ERICH3: variants seen among roughly 807,000 people sequenced by gnomAD.
The protein encoded by ERICH3 is glutamate rich 3.
A neutral mutation model predicts 131.1 loss-of-function variants in ERICH3; 126 were observed. The ratio of observed to expected loss-of-function variants is 0.96; its 90% CI spans 0.83 to 1.11. ERICH3 has a LOEUF of 1.11. Among genes scored for constraint, ERICH3 ranks in the 50% most tolerant of loss-of-function variants. The pLI is 0.00. For missense variants in ERICH3, 2,050 were observed against 1,810.7 expected, an observed-to-expected ratio of 1.13 and a Z score of -2.40; for synonymous variants, 695 against 644.6, an observed-to-expected ratio of 1.08 and a Z score of -1.18.
chr1:74,666,416 A>T (rs1646693424), intron 1 of ERICH3, among the ~76,000 whole-genome samples: 1 of 152,176 alleles, frequency 6.6e-6, no homozygotes, highest in South Asian at 2.1e-4. Context: ...ATTGTCAAAA[A>T]AATTTTTAAT....
At chr1:74,665,159 C>T (rs1385405988) in intron 1 of ERICH3, among the ~76,000 whole-genome samples, 2 of 151,894 alleles carry the variant, frequency 1.3e-5, no homozygotes, top group East Asian at 1.9e-4. Flanking sequence ...CATGTGAGGG[C>T]CCAGCAAGAA....
intron 11 of ERICH3, among the ~76,000 whole-genome samples, chr1:74,596,281 T>C (rs921403209): frequency 6.6e-6 from 1 of 152,062 alleles, no homozygotes; most frequent in African/African-American, 2.4e-5. Context: ...TCAATCTCAA[T>C]CTGTCTAATC....
chr1:74,611,422 G>C (rs1199865259), intron 9 of ERICH3, among the ~76,000 whole-genome samples: 7 of 151,896 alleles, frequency 4.6e-5, no homozygotes, highest in Non-Finnish European at 1.0e-4. Flanking sequence ...CTCTTCTCTG[G>C]ATTAAAGCAG....
chr1:74,621,341 A>C (rs1422920052), intron 7 of ERICH3: 3 of 152,966 alleles, frequency 2.0e-5, no homozygotes, highest in African/African-American at 7.2e-5. Flanking sequence ...TTTCAGTTTG[A>C]ACTGACTTAG....
At chr1:74,594,461 G>A (rs1169931161) in intron 11 of ERICH3, among the ~76,000 whole-genome samples, 1 of 152,046 alleles carries the variant, frequency 6.6e-6, no homozygotes, top group African/African-American at 2.4e-5. Flanking sequence ...CTGAGGTTCT[G>A]AGTTGTCCTC....
At chr1:74,597,257 C>T (rs1647897437) in intron 11 of ERICH3, among the ~76,000 whole-genome samples, 1 of 151,846 alleles carries the variant, frequency 6.6e-6, no homozygotes, top group African/African-American at 2.4e-5. Flanking sequence ...CCTTGAATAA[C>T]ACAAAGGCAA....
At chr1:74,602,104 A>G (rs553296977) in intron 10 of ERICH3, among the ~76,000 whole-genome samples, 1 of 151,922 alleles carries the variant, frequency 6.6e-6, no homozygotes, top group Non-Finnish European at 1.5e-5. Flanking sequence ...TCAGAGCAGT[A>G]CAAGTGTCCA....
chr1:74,604,914 C>T (rs1476558082), intron 10 of ERICH3, among the ~76,000 whole-genome samples: 1 of 151,966 alleles, frequency 6.6e-6, no homozygotes, highest in African/African-American at 2.4e-5. Flanking sequence ...AAAGAAGAGT[C>T]AGCCTATCCT....
chr1:74,665,653 T>C (rs1307971563), intron 1 of ERICH3, among the ~76,000 whole-genome samples: 1 of 152,210 alleles, frequency 6.6e-6, no homozygotes, highest in Non-Finnish European at 1.5e-5. Context: ...GTTTCAGGTC[T>C]CTCTTTTTGG....
In ERICH3 at chr1:74,662,419, G is replaced by T. The variant is rs137883822; in HGVS notation, c.23+11078C>A. Among the ~76,000 whole-genome samples the T allele has an allele frequency of 4.2e-4, 64 of 152,124 alleles. No individual in the cohort carries two copies. In the East Asian group the frequency reaches 0.012, roughly 28 times the overall value. ...ATGAGTTGTGGTGAAATATTCATTT[G>T]TTGCAGTTGCAGAGAGATTCCCAAC... On this transcript the variant is annotated intron_variant, in intron 1 of 14. Transcript: ENST00000326665.
intron 3 of ERICH3, 125 bp from the exon 4 acceptor site, chr1:74,643,223 G>T: frequency 1.6e-6 from 1 of 644,096 alleles, no homozygotes. Context: ...AGATGGAGAA[G>T]AATCATCTGC....
intron 1 of ERICH3, among the ~76,000 whole-genome samples, chr1:74,664,969 C>T (rs981324422): frequency 6.6e-6 from 1 of 152,128 alleles, no homozygotes; most frequent in East Asian, 1.9e-4. Flanking sequence ...TCTCCATTCT[C>T]CATGTTATAG....
At chr1:74,662,725 G>T (rs1030517265) in intron 1 of ERICH3, among the ~76,000 whole-genome samples, 5 of 152,088 alleles carry the variant, frequency 3.3e-5, no homozygotes, top group African/African-American at 1.2e-4. Flanking sequence ...TAGCATGCTT[G>T]CCTGCTTCTA....
At chr1:74,642,157 AC>A (rs1246321408) in intron 4 of ERICH3, among the ~76,000 whole-genome samples, 33 of 152,270 alleles carry the variant, frequency 2.2e-4, no homozygotes, top group African/African-American at 7.7e-4. Flanking sequence ...ATCTCTACAC[AC>A]CAACTCTTTG....
At chr1:74,600,426 T>C (rs1229998065) in intron 10 of ERICH3, among the ~76,000 whole-genome samples, 2 of 151,854 alleles carry the variant, frequency 1.3e-5, no homozygotes, top group Non-Finnish European at 2.9e-5. Flanking sequence ...AGTAACACTG[T>C]GAATAGCACA....
intron 12 of ERICH3, among the ~76,000 whole-genome samples, chr1:74,589,139 A>G (rs9660271): frequency 0.011 from 1,624 of 152,286 alleles, 31 homozygotes; most frequent in African/African-American, 0.037. Context: ...TGATGATAAT[A>G]GAATGTAACT....
At chr1:74,653,420 C>T (rs919571590) in intron 1 of ERICH3, among the ~76,000 whole-genome samples, 13 of 134,840 alleles carry the variant, frequency 9.6e-5, no homozygotes, top group East Asian at 4.3e-4. Context: ...AGAGAGAGAA[C>T]GAGAGAGAGA....
At position 74,571,932 on chromosome 1, in the gene ERICH3, C is replaced by T. The variant is rs1470711605; in HGVS notation, c.3778G>A (p.Gly1260Arg). The change falls in exon 14 of 15, where the codon GGG (glycine) becomes AGG (arginine). Residue 1260 changes from glycine (G) to arginine (R), a missense_variant. By Grantham distance (125) the Gly-to-Arg change is moderately radical (BLOSUM62 -2). Coordinates refer to ENST00000326665, the MANE Select transcript of ERICH3 (RefSeq NM_001002912.5). ...AGCACGACATCCACTCCTCCTTGCCCTTCAGCTCTCCCCTCCAGTCCTGCG... is the reference window on the plus strand; with the variant it reads ...AGCACGACATCCACTCCTCCTTGCCTTTCAGCTCTCCCCTCCAGTCCTGCG... ...SCAGLEGRAE[G>R]QGGVDVVLRT... is the part of the protein sequence containing the mutation. The T allele has an allele frequency of 1.9e-6, 3 of 1,613,290 alleles. No homozygotes were observed. The highest frequency in any genetic ancestry group is 1.3e-5 in the African/African-American group (1 of 74,940).
rs114185403 is a variant in ERICH3, at chr1:74,659,958, T to G, written c.24-10643A>C. Among the ~76,000 whole-genome samples, 576 of 152,248 alleles carry G rather than the reference T, an allele frequency of 3.8e-3. 2 individuals carry two copies. Among genetic ancestry groups the G allele is most frequent in the African/African-American group, 0.013 (543 of 41,560 alleles). ...GTCACCCAAATAGGAATTTGTTGAT[T>G]ATTTATGCTATGGCTTGGCTGTGTC... is the stretch of plus-strand genomic sequence containing the variant. On this transcript the variant is annotated intron_variant, in intron 1 of 14. Coordinates refer to ENST00000326665, the MANE Select transcript of ERICH3 (RefSeq NM_001002912.5).
Sources: allele counts gnomAD v4.1 joint callset (sites outside exome capture counted in the v4.1 genomes callset), GRCh38; gene constraint gnomAD v4.1.1; transcripts MANE v1.5; gene names NCBI Gene and HGNC (gene_info 2026-07-23, HGNC 2026-07-21).